Variants in PC observed in about 807,000 individuals in gnomAD.
The protein encoded by PC is pyruvate carboxylase.
A neutral mutation model predicts 107.8 loss-of-function variants in PC; 46 were observed. The ratio of observed to expected loss-of-function variants is 0.43; its 90% CI spans 0.34 to 0.55. The LOEUF (loss-of-function observed/expected upper bound fraction) is 0.55. Among genes scored for constraint, PC ranks in the 20% least tolerant of loss-of-function variants. PC has a pLI of 0.04. For missense variants in PC, 1,241 were observed against 1,643.1 expected, an observed-to-expected ratio of 0.76 and a Z score of 4.23; for synonymous variants, 662 against 684.7, an observed-to-expected ratio of 0.97 and a Z score of 0.52.
At position 66,858,972 on chromosome 11, in the gene PC, C is replaced by A; in HGVS notation, c.1368+4802G>T. On this transcript the variant is annotated intron_variant, in intron 12 of 22. Coordinates refer to ENST00000393960, the MANE Select transcript of PC (RefSeq NM_001040716.2). This position sits in a 1 kb window ranked among gnomAD's most constrained non-coding sequence, Gnocchi z 5.9. ...GACGCTGGAGTCTGAGCCAGCCGTG[C>A]AGGTGACGGAGGTGACCGCCACCTC... The A allele has an allele frequency of 1.3e-6, 2 of 1,572,032 alleles. No individual in the cohort carries two copies. The highest frequency in any genetic ancestry group is 8.7e-7 in the Non-Finnish European group (1 of 1,155,496).
chr11:66,952,118 G>A lies in PC; in HGVS notation c.-1+312C>T, dbSNP rs556121089. 4.6e-4 allele frequency among the ~76,000 whole-genome samples: 70 copies of A among 152,194 alleles called. 1 individual carries two copies. In the South Asian group the frequency reaches 0.014, roughly 30 times the overall value. ...TGACTCAAGGGGTCTTCTCAGAGAC[G>A]GCCCAGCCCCAGGGATTCTTCCTGC... On this transcript the variant is annotated intron_variant, in intron 3 of 22. Coordinates refer to ENST00000393960, the MANE Select transcript of PC (RefSeq NM_001040716.2).
intron 3 of PC, among the ~76,000 whole-genome samples, chr11:66,924,369 C>CAGAAAAAAAAA (rs1948664771): frequency 1.5e-5 from 1 of 65,590 alleles, no homozygotes; most frequent in Non-Finnish European, 2.9e-5. Context: ...CCATCTCTAC[C>CAGAAAAAAAAA]AAAAAAAAAA....
At chr11:66,944,773 CT>C (rs1949246007) in intron 3 of PC, among the ~76,000 whole-genome samples, 1 of 115,874 alleles carries the variant, frequency 8.6e-6, no homozygotes, top group Non-Finnish European at 1.9e-5. Context: ...CCCAAATGTC[CT>C]TTTCTTGTCA....
At chr11:66,873,558 T>TAA in intron 3 of PC, among the ~76,000 whole-genome samples, 1 of 108,160 alleles carries the variant, frequency 9.2e-6, no homozygotes, top group Non-Finnish European at 1.8e-5. Context: ...ATTATAATAT[T>TAA]ATATAATATT....
chr11:66,879,790 G>A (rs1011326906), intron 3 of PC, among the ~76,000 whole-genome samples: 1 of 152,210 alleles, frequency 6.6e-6, no homozygotes, highest in Non-Finnish European at 1.5e-5. Context: ...TGAGACAGGA[G>A]GCAGTCAGAG....
In PC at chr11:66,884,219, G is replaced by A. The variant is rs7128335; in HGVS notation, c.1-12060C>T. 9.0e-3 allele frequency among the ~76,000 whole-genome samples: 1,368 copies of A among 151,452 alleles called. 24 individuals are homozygous for A. The highest frequency in any genetic ancestry group is 0.031 in the African/African-American group (1,264 of 41,150). On this transcript the variant is annotated intron_variant, in intron 3 of 22. Transcript: ENST00000393960. ...AGATCGTGCTATTGCACTCCAGCCT[G>A]GGCAACAAGAGCAAAACTCCATCTC... is the stretch of plus-strand genomic sequence containing the variant.
At chr11:66,950,466 G>C (rs1023847078) in intron 3 of PC, among the ~76,000 whole-genome samples, 3 of 152,212 alleles carry the variant, frequency 2.0e-5, no homozygotes, top group African/African-American at 7.2e-5. Flanking sequence ...GGGAGTACCT[G>C]GGGTAACGCC....
intron 3 of PC, among the ~76,000 whole-genome samples, chr11:66,892,412 A>G (rs1591238662): frequency 1.3e-5 from 2 of 152,340 alleles, no homozygotes; most frequent in Middle Eastern, 3.4e-3. Context: ...ACGCACAACC[A>G]AAAGGGCAAA....
At chr11:66,849,547 T>TA in intron 21 of PC, 64 bp downstream of exon 21, 3 of 1,613,122 alleles carry the variant, frequency 1.9e-6, no homozygotes, top group Non-Finnish European at 1.7e-6. Context: ...ACAGCCAAGC[T>TA]AAACTCCAGA....
chr11:66,878,224 C>T (rs982481591), intron 3 of PC, among the ~76,000 whole-genome samples: 6 of 152,122 alleles, frequency 3.9e-5, no homozygotes, highest in African/African-American at 1.2e-4. Flanking sequence ...CTCAAACCTC[C>T]AGGGCAGTTT....
chr11:66,850,659 T>C lies in PC; in HGVS notation c.2473+15A>G. ...CTTTGAGAGGGGTGTGGCCACGGGC[T>C]GCTGTTCTTCCTACCTGTGTCCAGG... is the stretch of plus-strand genomic sequence containing the variant. On this transcript the variant is annotated intron_variant, in intron 18 of 22. Transcript: ENST00000393960. 1 of 1,606,802 alleles carries C rather than the reference T, an allele frequency of 6.2e-7. No homozygotes were observed. Among genetic ancestry groups the C allele is most frequent in the Non-Finnish European group, 8.5e-7 (1 of 1,179,668 alleles).
At position 66,924,369 on chromosome 11, in the gene PC, C is replaced by CAAAAAAAAAAAAAAAA. The variant is rs71045970; in HGVS notation, c.-1+28045_-1+28060dup. Among the ~76,000 whole-genome samples the CAAAAAAAAAAAAAAAA allele has an allele frequency of 1.6e-3, 107 of 65,538 alleles. 2 individuals are homozygous for CAAAAAAAAAAAAAAAA. The highest frequency in any genetic ancestry group is 2.1e-3 in the African/African-American group (35 of 16,444). The allele number at this position is 65,538 out of a possible 152,430, so 43.0% of individuals were successfully genotyped here. A position where few individuals can be genotyped will look rare whatever the true frequency, so the allele number is the denominator to read the frequency against. ...TAACATAGCAAGACCCCATCTCTAC[C>CAAAAAAAAAAAAAAAA]AAAAAAAAAAAAAAAAAAAATTAGC... On this transcript the variant is annotated intron_variant, in intron 3 of 22. Transcript: ENST00000393960.
intron 3 of PC, among the ~76,000 whole-genome samples, chr11:66,923,420 C>CACCACATG (rs1477188031): frequency 2.0e-5 from 3 of 151,804 alleles, no homozygotes; most frequent in Non-Finnish European, 2.9e-5. Flanking sequence ...GGCACAGCTC[C>CACCACATG]ACCACATGAC....
chr11:66,901,098 T>TC (rs947135412), intron 3 of PC, among the ~76,000 whole-genome samples: 2 of 152,196 alleles, frequency 1.3e-5, no homozygotes, highest in South Asian at 2.1e-4. Context: ...AGAGCTCTCA[T>TC]CCCCCCTGCT....
In PC at chr11:66,870,351, G is replaced by A. The variant is rs529329534; in HGVS notation, c.854C>T (p.Pro285Leu). 1.4e-5 allele frequency: 23 copies of A among 1,613,484 alleles called. No individual in the cohort carries two copies. Among genetic ancestry groups the A allele is most frequent in the East Asian group, 2.2e-5 (1 of 44,892 alleles). Residue 285 changes from proline (P) to leucine (L), a missense_variant, in exon 9 of 23, where the codon CCG (proline) becomes CTG (leucine). Pro to Leu is a moderately conservative substitution (Grantham distance 98). Coordinates refer to ENST00000393960, the MANE Select transcript of PC (RefSeq NM_001040716.2). This position sits in a 1 kb window ranked among gnomAD's most constrained non-coding sequence, Gnocchi z 6.1. ...GCTGGTGAGCCGAGTCCGAAGCTGCGGGTCCAGGTGGGCGGCGGGGGCAAT... is the reference window on the plus strand; with the variant it reads ...GCTGGTGAGCCGAGTCCGAAGCTGCAGGTCCAGGTGGGCGGCGGGGGCAAT... ...VEIAPAAHLD[P>L]QLRTRLTSDS...
rs1241630351 is a variant in PC at position 66,872,184 on chromosome 11, G to T, written c.1-25C>A. 4 of 1,568,628 alleles carry T rather than the reference G, an allele frequency of 2.6e-6. No individual in the cohort carries two copies. The African/African-American group carries it at 4.1e-5, about 16-fold the overall frequency. On this transcript the variant is annotated intron_variant, in intron 3 of 22. Coordinates refer to ENST00000393960, the MANE Select transcript of PC (RefSeq NM_001040716.2). ...TCTAGGGAGGGAAGTTAGAGCCCAG[G>T]TTAGCGCAGCCTCAGCACTGAGGCT...
chr11:66,956,598 CA>C (rs951087665), intron 1 of PC, among the ~76,000 whole-genome samples: 8 of 151,948 alleles, frequency 5.3e-5, no homozygotes, highest in Admixed American at 2.0e-4. Context: ...AAAACAAAAA[CA>C]AAAAAACCTC....
intron 3 of PC, among the ~76,000 whole-genome samples, chr11:66,898,138 A>G (rs1197662250): frequency 1.3e-5 from 2 of 152,084 alleles, no homozygotes; most frequent in Non-Finnish European, 2.9e-5. Context: ...TGGAATTAAG[A>G]TTTTCTTCTG....
At position 66,871,683 on chromosome 11, in the gene PC, T is replaced by C. The variant is rs1946740440; in HGVS notation, c.321+4A>G. 6.4e-7 allele frequency: 1 copy of C among 1,565,054 alleles called. No homozygotes were observed. The highest frequency in any genetic ancestry group is 1.4e-5 in the African/African-American group (1 of 73,598). On this transcript the variant is annotated splice_donor_region_variant and intron_variant, in intron 5 of 22. Coordinates refer to ENST00000393960, the MANE Select transcript of PC (RefSeq NM_001040716.2). The surrounding 1 kb of genome is among the most constrained non-coding windows in gnomAD (Gnocchi z 7.4). ...TCCAGGCCCAGCCAGGCCACTGGGC[T>C]CACCTTGGCCACCTTGATGATGTCT...
Sources: gnomAD v4.1 joint callset for allele counts (sites outside exome capture counted in the v4.1 genomes callset) on GRCh38, gnomAD v4.1.1 for gene constraint, Gnocchi (gnomAD v3.1) non-coding constraint, MANE v1.5 for transcripts, NCBI Gene and HGNC (gene_info 2026-07-23, HGNC 2026-07-21) for gene names.